The following CDH13 variants were observed in gnomAD, a reference collection of about 807,000 sequenced individuals.
CDH13 encodes the protein cadherin 13, also known as cadherin-13.
A neutral mutation model predicts 63.8 loss-of-function variants in CDH13; 24 were observed. The ratio of observed to expected loss-of-function variants is 0.38; its 90% CI spans 0.27 to 0.53. The LOEUF (loss-of-function observed/expected upper bound fraction) is 0.53. CDH13 is among the 20% of genes least tolerant of loss of function. The pLI, the probability that CDH13 is intolerant of heterozygous loss-of-function variation, is 0.85. For synonymous variants in CDH13, 503 were observed against 355.3 expected (o/e 1.42, Z -4.67); for missense variants, 1,049 against 903.1 (o/e 1.16, Z -2.07).
intron 1 of CDH13, among the ~76,000 whole-genome samples, chr16:82,735,191 C>A (rs1012216845): frequency 6.6e-5 from 10 of 152,188 alleles, no homozygotes; most frequent in African/African-American, 1.9e-4. Context: ...ATTAAATCTC[C>A]CCACCCATTG....
chr16:83,415,198 T>G (rs2151462443), intron 6 of CDH13, among the ~76,000 whole-genome samples: 1 of 151,854 alleles, frequency 6.6e-6, no homozygotes, highest in Non-Finnish European at 1.5e-5. Context: ...AGTAAATTCC[T>G]AAAAACATAC....
intron 7 of CDH13, among the ~76,000 whole-genome samples, chr16:83,510,020 T>C (rs116602468): frequency 1.7e-3 from 252 of 152,314 alleles, no homozygotes; most frequent in African/African-American, 6.0e-3. Context: ...TAATGGACTT[T>C]TTCAGAAGTG....
chr16:83,743,570 A>G (rs1261861729), intron 10 of CDH13, among the ~76,000 whole-genome samples: 3 of 152,180 alleles, frequency 2.0e-5, no homozygotes, highest in Non-Finnish European at 2.9e-5. Flanking sequence ...TACGCCAAAC[A>G]TGAAAGCCAA....
chr16:83,704,763 A>C, intron 10 of CDH13, among the ~76,000 whole-genome samples: 1 of 152,236 alleles, frequency 6.6e-6, no homozygotes, highest in East Asian at 1.9e-4. Context: ...TACAATAGAA[A>C]AAAAATTTCC....
At chr16:83,234,393 C>T (rs1450726079) in intron 5 of CDH13, among the ~76,000 whole-genome samples, 2 of 152,146 alleles carry the variant, frequency 1.3e-5, no homozygotes, top group African/African-American at 2.4e-5. Context: ...CCCCAAATAA[C>T]CACCTGCCCC....
chr16:83,469,673 G>C (rs899148330), intron 6 of CDH13, among the ~76,000 whole-genome samples: 9 of 152,110 alleles, frequency 5.9e-5, no homozygotes, highest in Non-Finnish European at 8.8e-5. Flanking sequence ...GTCCACATGA[G>C]GCCTTTTCAG....
chr16:83,347,703 G>T (rs2090868907), intron 6 of CDH13, among the ~76,000 whole-genome samples: 2 of 152,168 alleles, frequency 1.3e-5, no homozygotes, highest in East Asian at 3.8e-4. Flanking sequence ...TGGGGAAAAG[G>T]CACAATCAGT....
At chr16:83,350,347 T>C (rs1334282816) in intron 6 of CDH13, among the ~76,000 whole-genome samples, 1 of 152,172 alleles carries the variant, frequency 6.6e-6, no homozygotes, top group Non-Finnish European at 1.5e-5. Context: ...AAGAATTAGC[T>C]CCCAAACTGC....
chr16:83,007,319 A>T (rs984235161), intron 2 of CDH13, among the ~76,000 whole-genome samples: 3 of 152,212 alleles, frequency 2.0e-5, no homozygotes, highest in Non-Finnish European at 2.9e-5. Context: ...TGTCTCATGT[A>T]GTCTTCACTA....
chr16:82,948,022 A>G (rs893988725), intron 2 of CDH13, among the ~76,000 whole-genome samples: 1 of 152,188 alleles, frequency 6.6e-6, no homozygotes, highest in African/African-American at 2.4e-5. Flanking sequence ...ATTTATGGAG[A>G]TGTAACATGG....
intron 3 of CDH13, among the ~76,000 whole-genome samples, chr16:83,100,924 A>G (rs1230448398): frequency 1.3e-5 from 2 of 152,198 alleles, no homozygotes; most frequent in African/African-American, 4.8e-5. Context: ...TCATTTAACT[A>G]GTGAAAGTTG....
chr16:83,291,729 A>C (rs1005298037), intron 5 of CDH13, among the ~76,000 whole-genome samples: 1 of 152,166 alleles, frequency 6.6e-6, no homozygotes, highest in African/African-American at 2.4e-5. Flanking sequence ...AATGTGGTTA[A>C]TTCAACTCCA....
intron 1 of CDH13, among the ~76,000 whole-genome samples, chr16:82,821,644 C>G (rs1422856355): frequency 6.6e-6 from 1 of 152,204 alleles, no homozygotes; most frequent in Non-Finnish European, 1.5e-5. Context: ...ATGGATGTCT[C>G]AACTACAAAC....
chr16:83,032,581 G>T lies in CDH13; in HGVS notation c.366+363G>T, dbSNP rs138863633. Among the ~76,000 whole-genome samples the T allele has an allele frequency of 3.3e-5, 5 of 152,136 alleles. No homozygotes were observed. In the East Asian group the frequency reaches 9.7e-4, roughly 29 times the overall value. ...TCTCTCCCTGCCTCCCAAGGTGGAG[G>T]TCTCAGCAACTACCCTCTTTCTGCT... On this transcript the variant is annotated intron_variant, in intron 3 of 13. Coordinates refer to ENST00000567109, the MANE Select transcript of CDH13 (RefSeq NM_001257.5).
At chr16:82,876,725 G>A (rs1465322676) in intron 2 of CDH13, among the ~76,000 whole-genome samples, 1 of 152,146 alleles carries the variant, frequency 6.6e-6, no homozygotes, top group Non-Finnish European at 1.5e-5. Flanking sequence ...GATTGGCCTG[G>A]CATTGGGTCA....
intron 11 of CDH13, among the ~76,000 whole-genome samples, chr16:83,756,388 A>G (rs929047145): frequency 3.9e-5 from 6 of 152,258 alleles, no homozygotes; most frequent in African/African-American, 1.4e-4. Flanking sequence ...AAATAAAAGA[A>G]AAATATACCT....
At chr16:83,094,860 T>G (rs2034115727) in intron 3 of CDH13, among the ~76,000 whole-genome samples, 1 of 152,198 alleles carries the variant, frequency 6.6e-6, no homozygotes, top group Non-Finnish European at 1.5e-5. Flanking sequence ...GCTATATAGA[T>G]ACCTACTTTT....
intron 6 of CDH13, among the ~76,000 whole-genome samples, chr16:83,461,382 T>C: frequency 6.6e-6 from 1 of 152,138 alleles, no homozygotes; most frequent in Non-Finnish European, 1.5e-5. Flanking sequence ...AGGTGAGGGA[T>C]GATGATGATT....
intron 6 of CDH13, among the ~76,000 whole-genome samples, chr16:83,432,298 A>G (rs1313637002): frequency 6.6e-6 from 1 of 152,202 alleles, no homozygotes; most frequent in Non-Finnish European, 1.5e-5. Flanking sequence ...TAGCTGCAGT[A>G]GCTCCTTCTA....
Sources: gnomAD v4.1 joint callset for allele counts (sites outside exome capture counted in the v4.1 genomes callset) on GRCh38, gnomAD v4.1.1 for gene constraint, MANE v1.5 for transcripts, NCBI Gene and HGNC (gene_info 2026-07-23, HGNC 2026-07-21) for gene names.